Variants in SAMSN1 observed in about 807,000 individuals in gnomAD.
The protein encoded by SAMSN1 is SAM domain-containing protein SAMSN-1.
A neutral mutation model predicts 42.0 loss-of-function variants in SAMSN1; 31 were observed. The ratio of observed to expected loss-of-function variants is 0.74; its 90% CI spans 0.55 to 1.00. The LOEUF (loss-of-function observed/expected upper bound fraction) is 1.00. Among genes scored for constraint, SAMSN1 ranks in the 50% least tolerant of loss-of-function variants. SAMSN1 has a pLI of 0.00. For synonymous variants in SAMSN1, 178 were observed against 151.9 expected, an observed-to-expected ratio of 1.17 and a Z score of -1.26; for missense variants, 464 against 439.4, an observed-to-expected ratio of 1.06 and a Z score of -0.50.
chr21:14,560,660 G>T (rs1020126602), intron 2 of SAMSN1, among the ~76,000 whole-genome samples: 2 of 152,154 alleles, frequency 1.3e-5, no homozygotes, highest in South Asian at 4.1e-4. Context: ...TGGAAGAAAG[G>T]TATATCTCTC....
intron 2 of SAMSN1, among the ~76,000 whole-genome samples, chr21:14,630,949 C>T (rs138038667): frequency 1.2e-4 from 18 of 152,304 alleles, no homozygotes; most frequent in African/African-American, 1.2e-4. Context: ...AGAATACCAA[C>T]TTGGGAGTCA....
chr21:14,601,394 T>C (rs1568826624), intron 6 of SAMSN1, among the ~76,000 whole-genome samples: 1 of 152,176 alleles, frequency 6.6e-6, no homozygotes. Flanking sequence ...ATTCATATGC[T>C]ATGTACCTTC....
intron 5 of SAMSN1, 128 bp from the exon 6 acceptor site, chr21:14,500,863 T>A: frequency 1.3e-6 from 1 of 754,816 alleles, no homozygotes; most frequent in Non-Finnish European, 2.2e-6. Context: ...GAAACAAATC[T>A]AAACATTCAC....
rs1982653706 is a variant in SAMSN1 at position 14,609,599 on chromosome 21, A to C, written c.236-31T>G. 3 of 717,440 alleles carry C rather than the reference A, an allele frequency of 4.2e-6. No individual in the cohort carries two copies. In the South Asian group the frequency reaches 4.4e-5, roughly 11 times the overall value. 44.4% of individuals were successfully genotyped at this position (717,440 alleles called of 1,614,324 possible). A position where few individuals can be genotyped will look rare whatever the true frequency, so the allele number is the denominator to read the frequency against. ...GTGAAGCAGATAATTGGTTAGCAGAATTCATAGTAACATTTGTCCAGTAAG... is the reference window on the plus strand; with the variant it reads ...GTGAAGCAGATAATTGGTTAGCAGACTTCATAGTAACATTTGTCCAGTAAG... On this transcript the variant is annotated intron_variant, in intron 4 of 15. Coordinates refer to the SAMSN1 transcript ENST00000647101.
At chr21:14,612,928 G>C (rs1982746720) in intron 3 of SAMSN1, 6 of 691,226 alleles carry the variant, frequency 8.7e-6, no homozygotes, top group Non-Finnish European at 1.6e-5. Flanking sequence ...AAGAATAAAA[G>C]AAAAAGATAT....
At chr21:14,551,031 G>C (rs1980578243), upstream of SAMSN1, among the ~76,000 whole-genome samples, 1 of 152,050 alleles carries the variant, frequency 6.6e-6, no homozygotes, top group Non-Finnish European at 1.5e-5. Context: ...CAAGTACCTG[G>C]AATCTGAGAT....
intron 4 of SAMSN1, chr21:14,612,860 C>T (rs756571960): frequency 2.8e-6 from 2 of 706,174 alleles, no homozygotes; most frequent in Non-Finnish European, 2.6e-6. Context: ...CACTTGTAAC[C>T]TTAGGAATCA....
intron 7 of SAMSN1, among the ~76,000 whole-genome samples, chr21:14,494,949 AT>A (rs1235322287): frequency 1.3e-5 from 2 of 152,118 alleles, no homozygotes; most frequent in Non-Finnish European, 2.9e-5. Context: ...ATATGTGCCC[AT>A]TTTGCTCAAC....
chr21:14,558,259 T>C (rs1369280276), intron 2 of SAMSN1, among the ~76,000 whole-genome samples: 2 of 152,030 alleles, frequency 1.3e-5, no homozygotes, highest in Non-Finnish European at 2.9e-5. Context: ...GGATTAAAAT[T>C]GCAGAATCCG....
chr21:14,597,908 T>C (rs1982317940), intron 6 of SAMSN1: 1 of 151,966 alleles, frequency 6.6e-6, no homozygotes, highest in Non-Finnish European at 1.5e-5. Flanking sequence ...CTCTGCCTTA[T>C]TTTTTTTATT....
At chr21:14,545,184 T>A (rs1383981449) in intron 1 of SAMSN1, among the ~76,000 whole-genome samples, 1 of 152,150 alleles carries the variant, frequency 6.6e-6, no homozygotes, top group African/African-American at 2.4e-5. Flanking sequence ...CATTTATTTT[T>A]GTTTCCTTCA....
Position 14,647,812 on chromosome 21 carries a change from C to T in SAMSN1, c.25-4679G>A, listed in dbSNP as rs1311728626. Among the ~76,000 whole-genome samples the T allele has an allele frequency of 6.3e-5, 9 of 142,794 alleles. No individual in the cohort carries two copies. The Admixed American group carries it at 6.4e-4, about 10-fold the overall frequency. 93.7% of individuals were successfully genotyped at this position (142,794 alleles called of 152,430 possible). A position where few individuals can be genotyped will look rare whatever the true frequency, so the allele number is the denominator to read the frequency against. On this transcript the variant is annotated intron_variant, in intron 1 of 15. Transcript: ENST00000647101. ...TGTCTGTTGTTGGTGTATAAGAATG[C>T]TTGTGATTTTTGTACATTGATTTTG...
chr21:14,530,169 TA>T (rs1261294510), intron 1 of SAMSN1, among the ~76,000 whole-genome samples: 1 of 151,876 alleles, frequency 6.6e-6, no homozygotes, highest in Non-Finnish European at 1.5e-5. Context: ...ACAAAAAAAT[TA>T]GCCGGGCGTG....
At chr21:14,615,047 G>A (rs527925786) in intron 3 of SAMSN1, among the ~76,000 whole-genome samples, 20 of 152,224 alleles carry the variant, frequency 1.3e-4, no homozygotes, top group Admixed American at 3.3e-4. Context: ...GTTTAAGTAC[G>A]TTCCTTGGAA....
rs1600867808 is a variant in SAMSN1, at chr21:14,503,317, G to A, written c.562-2582C>T. On this transcript the variant is annotated intron_variant, in intron 5 of 7. Transcript: ENST00000400566. ...CTGCCGTATTGTAGAGAGGGCCTTGGCTGGTGGAATCTAGAGGCTTAGAAT... is the reference window on the plus strand; with the variant it reads ...CTGCCGTATTGTAGAGAGGGCCTTGACTGGTGGAATCTAGAGGCTTAGAAT... Among the ~76,000 whole-genome samples, 5 of 152,292 alleles carry A rather than the reference G, an allele frequency of 3.3e-5. 1 individual carries two copies. Among genetic ancestry groups the A allele is most frequent in the Admixed American group, 3.3e-4 (5 of 15,290 alleles).
intron 1 of SAMSN1, among the ~76,000 whole-genome samples, chr21:14,656,914 T>C (rs952176156): frequency 2.6e-5 from 4 of 151,862 alleles, no homozygotes; most frequent in Admixed American, 2.0e-4. Flanking sequence ...ACATATACCT[T>C]CATTTTTTTT....
chr21:14,637,892 G>T (rs1185780483), intron 2 of SAMSN1, among the ~76,000 whole-genome samples: 1 of 152,096 alleles, frequency 6.6e-6, no homozygotes, highest in African/African-American at 2.4e-5. Context: ...CATCCTTCAC[G>T]TACACTGCAA....
At chr21:14,645,769 GA>G (rs1983701843) in intron 1 of SAMSN1, among the ~76,000 whole-genome samples, 1 of 152,120 alleles carries the variant, frequency 6.6e-6, no homozygotes, top group African/African-American at 2.4e-5. Context: ...AAATAACACG[GA>G]TAAGGAATTC....
intron 1 of SAMSN1, among the ~76,000 whole-genome samples, chr21:14,545,193 C>A (rs1297666219): frequency 6.6e-6 from 1 of 152,042 alleles, no homozygotes; most frequent in Non-Finnish European, 1.5e-5. Context: ...TTGTTTCCTT[C>A]AGAAAAACTT....
Sources: allele counts gnomAD v4.1 joint callset (sites outside exome capture counted in the v4.1 genomes callset), GRCh38; gene constraint gnomAD v4.1.1; transcripts MANE v1.5; gene names NCBI Gene and HGNC (gene_info 2026-07-23, HGNC 2026-07-21).